ENOX1: variants seen among roughly 807,000 people sequenced by gnomAD.
The protein encoded by ENOX1 is candidate growth-related and time keeping constitutive hydroquinone (NADH) oxidase.
ENOX1 carries 42 observed loss-of-function variants against 82.5 expected under a neutral mutation model. The ratio of observed to expected loss-of-function variants is 0.51; its 90% confidence interval spans 0.40 to 0.66. The LOEUF (loss-of-function observed/expected upper bound fraction) is 0.66. Ranked by LOEUF, ENOX1 falls within the 30% of genes least tolerant of loss-of-function variation. The pLI is 0.00. For synonymous variants in ENOX1, 271 were observed against 282.2 expected, an observed-to-expected ratio of 0.96 and a Z score of 0.40; for missense variants, 608 against 811.6, an observed-to-expected ratio of 0.75 and a Z score of 3.05.
intron 1 of ENOX1, among the ~76,000 whole-genome samples, chr13:43,744,355 G>A (rs965680461): frequency 6.6e-5 from 10 of 152,094 alleles, no homozygotes; most frequent in Non-Finnish European, 1.5e-4. Flanking sequence ...AAACCCCTCA[G>A]GTCATTCTTT....
intron 1 of ENOX1, among the ~76,000 whole-genome samples, chr13:43,678,446 A>G (rs749878339): frequency 2.0e-5 from 3 of 152,156 alleles, no homozygotes; most frequent in Non-Finnish European, 4.4e-5. Context: ...AGAGTCTGGC[A>G]TAAAGTTGGT....
At chr13:43,785,888 C>A (rs930729331) in intron 1 of ENOX1, among the ~76,000 whole-genome samples, 4 of 152,124 alleles carry the variant, frequency 2.6e-5, no homozygotes, top group African/African-American at 9.6e-5. Flanking sequence ...GGGCCGCGTC[C>A]GTGGGAGGCT....
rs765563386 is a variant in ENOX1, at chr13:43,322,545, T to G, written c.1144-44A>C. 34 of 1,520,914 alleles carry G rather than the reference T, an allele frequency of 2.2e-5. No homozygotes were observed. In the Admixed American group the frequency reaches 3.6e-4, roughly 16 times the overall value. The allele number at this position is 1,520,914 out of a possible 1,614,324, so 94.2% of individuals were successfully genotyped here. The stretch of plus-strand genomic sequence containing the variant: ...CAAATGTCAGAGTCACAGACACATA[T>G]GGCTTTCCCCAATGGTCTTTGGGTA... On this transcript the variant is annotated intron_variant, in intron 10 of 16. Transcript: ENST00000690772.
At chr13:43,575,205 G>T (rs969980914) in intron 2 of ENOX1, among the ~76,000 whole-genome samples, 3 of 152,182 alleles carry the variant, frequency 2.0e-5, no homozygotes, top group Non-Finnish European at 4.4e-5. Context: ...GAACGCAGGG[G>T]ACTGCACAGG....
intron 7 of ENOX1, chr13:43,359,615 T>C (rs2050369532): frequency 3.8e-6 from 2 of 531,370 alleles, no homozygotes; most frequent in Admixed American, 3.1e-5. Flanking sequence ...GAACATTAAT[T>C]AGAAACTCGA....
At chr13:43,257,241 C>G (rs1182089491) in intron 14 of ENOX1, among the ~76,000 whole-genome samples, 1 of 151,964 alleles carries the variant, frequency 6.6e-6, no homozygotes, top group Non-Finnish European at 1.5e-5. Flanking sequence ...AGTAGGTTGA[C>G]AAGAGTTAAC....
intron 15 of ENOX1, among the ~76,000 whole-genome samples, chr13:43,235,256 A>G (rs1810213173): frequency 1.3e-5 from 2 of 152,250 alleles, no homozygotes; most frequent in Non-Finnish European, 2.9e-5. Context: ...GAGCAAAAAA[A>G]AAATAATTGG....
chr13:43,723,261 T>G (rs960165235), intron 1 of ENOX1, among the ~76,000 whole-genome samples: 1 of 152,142 alleles, frequency 6.6e-6, no homozygotes, highest in African/African-American at 2.4e-5. Flanking sequence ...ATTTGGGCAC[T>G]TAGAAGTATA....
chr13:43,232,093 C>CTTTTTTT (rs33932346), intron 15 of ENOX1, among the ~76,000 whole-genome samples: 9 of 109,552 alleles, frequency 8.2e-5, no homozygotes, highest in South Asian at 3.2e-4. Context: ...GCCCAGCTAA[C>CTTTTTTT]TTTTTTTTTT....
chr13:43,215,438 T>C (rs1225142203), intron 16 of ENOX1, among the ~76,000 whole-genome samples: 1 of 152,238 alleles, frequency 6.6e-6, no homozygotes, highest in East Asian at 1.9e-4. Flanking sequence ...ATGAGACAGA[T>C]TATGTGAAGG....
chr13:43,505,950 A>G (rs1009760013), intron 2 of ENOX1, among the ~76,000 whole-genome samples: 8 of 152,058 alleles, frequency 5.3e-5, no homozygotes, highest in Non-Finnish European at 1.0e-4. Flanking sequence ...GAAGGGATCC[A>G]GTTTCAGCTT....
At position 43,585,857 on chromosome 13, in the gene ENOX1, G is replaced by A. The variant is rs143650015; in HGVS notation, c.-219+81622C>T. ...CTCCCAAAGTGCTGGGATTACAGGCGTGAGCCACTGCACCTGGCCAAGTTT... is the reference window on the plus strand; with the variant it reads ...CTCCCAAAGTGCTGGGATTACAGGCATGAGCCACTGCACCTGGCCAAGTTT... On this transcript the variant is annotated intron_variant, in intron 2 of 16. Coordinates refer to ENST00000690772, the MANE Select transcript of ENOX1 (RefSeq NM_001347969.2). Among the ~76,000 whole-genome samples, 115 of 152,320 alleles carry A rather than the reference G, an allele frequency of 7.5e-4. No individual in the cohort carries two copies. In the Middle Eastern group the frequency reaches 0.01, roughly 14 times the overall value.
rs144607753 is a variant in ENOX1 at position 43,435,485 on chromosome 13, G to A, written c.-74-22497C>T. Among the ~76,000 whole-genome samples the A allele has an allele frequency of 1.5e-3, 236 of 152,260 alleles. 1 individual carries two copies. The highest frequency in any genetic ancestry group is 2.7e-3 in the Non-Finnish European group (186 of 68,026). ...TCCTCTCTGCCCAGTTACTGACCAC[G>A]GCACCAAGCTTCAGATTCTGTTTAA... On this transcript the variant is annotated intron_variant, in intron 3 of 16. Coordinates refer to ENST00000690772, the MANE Select transcript of ENOX1 (RefSeq NM_001347969.2).
intron 1 of ENOX1, among the ~76,000 whole-genome samples, chr13:43,743,437 C>T (rs958981463): frequency 2.0e-4 from 31 of 152,190 alleles, no homozygotes; most frequent in African/African-American, 7.0e-4. Flanking sequence ...AACTCAGAAA[C>T]TCTTTCAAGC....
chr13:43,552,222 A>G (rs2153700161), intron 2 of ENOX1, among the ~76,000 whole-genome samples: 1 of 152,282 alleles, frequency 6.6e-6, no homozygotes, highest in South Asian at 2.1e-4. Context: ...TGAAAGGAGC[A>G]TGCCAGGGAG....
chr13:43,757,995 G>T (rs531603119), intron 1 of ENOX1, among the ~76,000 whole-genome samples: 2 of 152,242 alleles, frequency 1.3e-5, no homozygotes, highest in East Asian at 1.9e-4. Flanking sequence ...AGCACTTTGG[G>T]AGACCAAGGC....
intron 2 of ENOX1, among the ~76,000 whole-genome samples, chr13:43,616,188 A>ATATC (rs2082455024): frequency 6.5e-5 from 1 of 15,458 alleles, no homozygotes; most frequent in African/African-American, 8.7e-5. Flanking sequence ...CTATCTATCT[A>ATATC]TATATATATA....
chr13:43,561,797 A>G (rs934856275), intron 2 of ENOX1, among the ~76,000 whole-genome samples: 1 of 152,114 alleles, frequency 6.6e-6, no homozygotes, highest in African/African-American at 2.4e-5. Flanking sequence ...CTTGGGCTAC[A>G]TGGTGAAATC....
At chr13:43,525,255 A>G (rs969851482) in intron 2 of ENOX1, among the ~76,000 whole-genome samples, 6 of 152,080 alleles carry the variant, frequency 3.9e-5, no homozygotes, top group Non-Finnish European at 8.8e-5. Flanking sequence ...CCATGAGACA[A>G]TAACTCCCCA....
Sources: allele counts gnomAD v4.1 joint callset (sites outside exome capture counted in the v4.1 genomes callset), GRCh38; gene constraint gnomAD v4.1.1; transcripts MANE v1.5; gene names NCBI Gene and HGNC (gene_info 2026-07-23, HGNC 2026-07-21).